Variants in CUL2 observed in about 807,000 individuals in gnomAD.
CUL2 encodes the protein cullin-2.
In CUL2, 22 loss-of-function variants were observed where a neutral mutation model predicts 110.2. The ratio of observed to expected loss-of-function variants is 0.20; its 90% CI spans 0.14 to 0.28. CUL2 has a LOEUF of 0.28. CUL2 is among the 10% of genes least tolerant of loss of function. The pLI, the probability that CUL2 is intolerant of heterozygous loss-of-function variation, is 1.00. For synonymous variants in CUL2, 279 were observed against 293.2 expected (o/e 0.95, Z 0.49); for missense variants, 631 against 905.5 (o/e 0.70, Z 3.89).
At chr10:35,074,651 A>G (rs773647836) in intron 1 of CUL2, among the ~76,000 whole-genome samples, 2 of 151,876 alleles carry the variant, frequency 1.3e-5, no homozygotes, top group Non-Finnish European at 2.9e-5. Context: ...ATCGCACCCT[A>G]ATTTTTGTAT....
At chr10:35,049,862 A>C (rs2086054235) in intron 5 of CUL2, 97 bp from the exon 6 acceptor site, 1 of 752,610 alleles carries the variant, frequency 1.3e-6, no homozygotes, top group Non-Finnish European at 2.2e-6. Flanking sequence ...CATCAAAAGA[A>C]GTATTTATAC....
intron 20 of CUL2, among the ~76,000 whole-genome samples, chr10:35,011,564 G>A (rs1448065190): frequency 2.0e-5 from 3 of 152,266 alleles, no homozygotes; most frequent in Admixed American, 6.5e-5. Context: ...GTTGCAGTGA[G>A]CCAAGATCAC....
rs1003020566 is a variant in CUL2 at position 35,090,273 on chromosome 10, A to AGGC, written c.-120_-118dup. On this transcript the variant is annotated 5_prime_UTR_variant, in exon 1 of 21. Transcript: ENST00000374749. The stretch of plus-strand genomic sequence containing the variant: ...AAGCCCCGGCGAGGAAGGTGGGCGG[A>AGGC]GGCGGCGGCGGCGGCGGCTGTCAGC... 17 of 157,216 alleles carry AGGC rather than the reference A, an allele frequency of 1.1e-4. No homozygotes were observed. The highest frequency in any genetic ancestry group is 3.7e-4 in the East Asian group (2 of 5,342). 9.7% of individuals were successfully genotyped at this position (157,216 alleles called of 1,614,324 possible).
At chr10:35,113,812 T>C (rs2087554363) in intron 1 of CUL2, among the ~76,000 whole-genome samples, 1 of 151,556 alleles carries the variant, frequency 6.6e-6, no homozygotes, top group Non-Finnish European at 1.5e-5. Flanking sequence ...GTTCAAGTGA[T>C]TCTCCTGCAT....
At chr10:35,097,111 C>T (rs1228469471) in intron 2 of CUL2, among the ~76,000 whole-genome samples, 2 of 152,098 alleles carry the variant, frequency 1.3e-5, no homozygotes, top group Non-Finnish European at 2.9e-5. Flanking sequence ...TGCCCAGCCT[C>T]ATGCCCCTTT....
intron 1 of CUL2, among the ~76,000 whole-genome samples, chr10:35,123,049 G>T (rs1200824631): frequency 6.6e-6 from 1 of 152,194 alleles, no homozygotes; most frequent in African/African-American, 2.4e-5. Context: ...GAGGTGGGAG[G>T]ATTGCTTGAG....
chr10:35,090,818 A>G (rs915568449), upstream of CUL2, among the ~76,000 whole-genome samples: 18 of 152,246 alleles, frequency 1.2e-4, no homozygotes. Context: ...AGGGACTGCT[A>G]ATAACAATAT....
At chr10:35,013,599 T>C in intron 19 of CUL2, 100 bp downstream of exon 19, 1 of 705,400 alleles carries the variant, frequency 1.4e-6, no homozygotes, top group South Asian at 2.0e-5. Context: ...ATTATTAATT[T>C]TGCTGTGCAA....
At chr10:35,121,632 T>G in intron 1 of CUL2, among the ~76,000 whole-genome samples, 1 of 152,140 alleles carries the variant, frequency 6.6e-6, no homozygotes, top group African/African-American at 2.4e-5. Context: ...ATAACAATCT[T>G]CCTCTTTTCC....
chr10:35,049,659 A>T (rs1255673103), intron 6 of CUL2, 24 bp downstream of exon 6: 2 of 1,580,394 alleles, frequency 1.3e-6, no homozygotes, highest in African/African-American at 2.7e-5. Context: ...AAATTGACTC[A>T]GTAAGATAAA....
rs781246575 is a variant in CUL2 at position 35,062,944 on chromosome 10, A to G, written c.222+16T>C. 2.3e-6 allele frequency: 3 copies of G among 1,327,754 alleles called. No homozygotes were observed. The highest frequency in any genetic ancestry group is 1.7e-5 in the Admixed American group (1 of 57,840). 82.2% of individuals were successfully genotyped at this position (1,327,754 alleles called of 1,614,324 possible). On this transcript the variant is annotated intron_variant, in intron 3 of 20. Transcript: ENST00000374749. ...AACTATCAACATATTTATATCACGT[A>G]TGTATCATTGCTTACCTTATGCAAA...
chr10:35,091,576 G>A (rs952499151), upstream of CUL2, among the ~76,000 whole-genome samples: 2 of 151,540 alleles, frequency 1.3e-5, no homozygotes, highest in African/African-American at 2.4e-5. Context: ...CTTTACAGAG[G>A]TCATAAGGTT....
chr10:35,019,980 T>G (rs573688228), intron 17 of CUL2, among the ~76,000 whole-genome samples: 11 of 152,140 alleles, frequency 7.2e-5, no homozygotes, highest in African/African-American at 2.7e-4. Context: ...ACCGCCTTCA[T>G]CAAGTGACCA....
chr10:35,103,143 A>C (rs1057047935), intron 1 of CUL2, among the ~76,000 whole-genome samples: 7 of 151,756 alleles, frequency 4.6e-5, no homozygotes, highest in African/African-American at 1.7e-4. Context: ...TGACTCAAAA[A>C]AATTTTTTTT....
Position 35,013,814 on chromosome 10 carries a change from T to C in CUL2, c.1888-14A>G. 7.1e-7 allele frequency: 1 copy of C among 1,409,780 alleles called. No homozygotes were observed. The highest frequency in any genetic ancestry group is 9.4e-7 in the Non-Finnish European group (1 of 1,059,064). The allele number at this position is 1,409,780 out of a possible 1,614,324, so 87.3% of individuals were successfully genotyped here. A position where few individuals can be genotyped will look rare whatever the true frequency, so the allele number is the denominator to read the frequency against. On this transcript the variant is annotated splice_polypyrimidine_tract_variant and intron_variant, in intron 18 of 20. Transcript: ENST00000374749. ...ATCAATATCTTCCTACATTTAAAAATAAAACATTTATATTTATAAAAACCA... is the reference window on the plus strand; with the variant it reads ...ATCAATATCTTCCTACATTTAAAAACAAAACATTTATATTTATAAAAACCA...
Position 35,010,306 on chromosome 10 carries a change from C to T in CUL2, c.*5G>A, listed in dbSNP as rs577702587. 1.7e-5 allele frequency: 28 copies of T among 1,601,486 alleles called. No individual in the cohort carries two copies. The highest frequency in any genetic ancestry group is 7.8e-5 in the South Asian group (7 of 89,334). Reference sequence around the variant, plus strand: ...CTTCTCACACCACGCTGGAGGAGAGCGACATCACGCGACGTAGCTGTATTC... The same window carrying T: ...CTTCTCACACCACGCTGGAGGAGAGTGACATCACGCGACGTAGCTGTATTC... On this transcript the variant is annotated 3_prime_UTR_variant, in exon 21 of 21. Transcript: ENST00000374749.
chr10:35,088,374 G>A (rs928442812), intron 1 of CUL2, among the ~76,000 whole-genome samples: 4 of 152,066 alleles, frequency 2.6e-5, no homozygotes, highest in Admixed American at 6.6e-5. Flanking sequence ...TGGGCGTGGT[G>A]ACGTGCGCCT....
rs5784437 is a variant in CUL2 at position 35,011,211 on chromosome 10, A to AT, written c.2106+636dup. 5.3e-3 allele frequency among the ~76,000 whole-genome samples: 704 copies of AT among 133,718 alleles called. 8 individuals are homozygous for AT. Among genetic ancestry groups the AT allele is most frequent in the Admixed American group, 0.023 (317 of 13,606 alleles). The allele number at this position is 133,718 out of a possible 152,430, so 87.7% of individuals were successfully genotyped here. The stretch of plus-strand genomic sequence containing the variant: ...AACTGGCTAATTTTTTAATTTTTTA[A>AT]TTTTTTTTTTTTTTTTTTTTTAGGT... On this transcript the variant is annotated intron_variant, in intron 20 of 20. Transcript: ENST00000374749.
chr10:35,125,306 G>C (rs957350855), intron 1 of CUL2, among the ~76,000 whole-genome samples: 1 of 152,202 alleles, frequency 6.6e-6, no homozygotes, highest in Non-Finnish European at 1.5e-5. Flanking sequence ...AATATGGTTT[G>C]TGCTTTCTGA....
Sources: allele counts gnomAD v4.1 joint callset (sites outside exome capture counted in the v4.1 genomes callset), GRCh38; gene constraint gnomAD v4.1.1; transcripts MANE v1.5; gene names NCBI Gene and HGNC (gene_info 2026-07-23, HGNC 2026-07-21).